Variants in TMSB10 observed in about 807,000 individuals in gnomAD.
TMSB10 encodes thymosin beta-10.
In TMSB10, 4 loss-of-function variants were observed where a neutral mutation model predicts 4.5. That is an observed-to-expected ratio of 0.89 (90% CI 0.44 to 2.03). The LOEUF (loss-of-function observed/expected upper bound fraction) is 2.03. Ranked by LOEUF, TMSB10 falls within the 30% of genes most tolerant of loss-of-function variation. The probability of loss-of-function intolerance (pLI) is 0.03; values close to 1 mark genes in which losing one functional copy is unlikely to be tolerated. For missense variants in TMSB10, 44 were observed against 53.9 expected (o/e 0.82, Z 0.57); for synonymous variants, 17 against 20.3 (o/e 0.84, Z 0.44).
intron 1 of TMSB10, 140 bp downstream of exon 1, chr2:84,905,858 G>C (rs772557063): frequency 6.2e-4 from 372 of 596,502 alleles, no homozygotes; most frequent in Non-Finnish European, 9.7e-4. Context: ...ACCGAGAAGA[G>C]GGGTGCGGGA....
At chr2:84,905,946 C>G (rs1683684990) in intron 1 of TMSB10, 57 bp from the exon 2 acceptor site, 1 of 1,455,836 alleles carries the variant, frequency 6.9e-7, no homozygotes, top group South Asian at 1.2e-5. Flanking sequence ...CGGCGGGGAG[C>G]GCGGAAGGGG....
chr2:84,906,355 C>G (rs1428826039), intron 2 of TMSB10, 34 bp from the exon 3 acceptor site: 1 of 1,580,506 alleles, frequency 6.3e-7, no homozygotes, highest in African/African-American at 1.3e-5. Flanking sequence ...GGGGTTGCAG[C>G]TCCCCTCCAG....
Position 84,906,585 on chromosome 2 carries a change from A to C in TMSB10, c.*162A>C. The C allele has an allele frequency of 1.2e-4, 72 of 594,118 alleles. No homozygotes were observed. The highest frequency in any genetic ancestry group is 2.1e-4 in the East Asian group (6 of 28,792). The allele number at this position is 594,118 out of a possible 1,614,324, so 36.8% of individuals were successfully genotyped here. On this transcript the variant is annotated 3_prime_UTR_variant, in exon 3 of 3. Coordinates refer to ENST00000233143, the MANE Select transcript of TMSB10 (RefSeq NM_021103.4). ...GGGTCTCTGAAGGGACCCCCCCCCAATCGGACTGCCAAATTCTCCGGTTTG... is the reference window on the plus strand; with the variant it reads ...GGGTCTCTGAAGGGACCCCCCCCCACTCGGACTGCCAAATTCTCCGGTTTG...
chr2:84,905,904 C>T, intron 1 of TMSB10, 99 bp from the exon 2 acceptor site: 1 of 979,682 alleles, frequency 1.0e-6, no homozygotes, highest in Non-Finnish European at 1.6e-6. Context: ...CTGCTCGGCA[C>T]GCCTTGGCGC....
At chr2:84,906,361 T>C (rs1180496188) in intron 2 of TMSB10, 28 bp from the exon 3 acceptor site, 1 of 1,586,398 alleles carries the variant, frequency 6.3e-7, no homozygotes, top group Non-Finnish European at 8.6e-7. Context: ...GCAGCTCCCC[T>C]CCAGCGCCCG....
chr2:84,906,454 T>C lies in TMSB10; in HGVS notation c.*31T>C. On this transcript the variant is annotated 3_prime_UTR_variant, in exon 3 of 3. Transcript: ENST00000233143. ...TGGAGGATTTCCTACCCCCGTCCTCTTCGAGACCCCAGTCGTGATGTGGAG... is the reference window on the plus strand; with the variant it reads ...TGGAGGATTTCCTACCCCCGTCCTCCTCGAGACCCCAGTCGTGATGTGGAG... 6.3e-7 allele frequency: 1 copy of C among 1,598,680 alleles called. No homozygotes were observed. Among genetic ancestry groups the C allele is most frequent in the Non-Finnish European group, 8.5e-7 (1 of 1,174,886 alleles).
chr2:84,906,489 C>T lies in TMSB10; in HGVS notation c.*66C>T, dbSNP rs996348955. On this transcript the variant is annotated 3_prime_UTR_variant, in exon 3 of 3. Coordinates refer to ENST00000233143, the MANE Select transcript of TMSB10 (RefSeq NM_021103.4). ...CAGTCGTGATGTGGAGGAAGAGCCA[C>T]CTGCAAGATGGACACGAGCCACAAG... 2 of 1,519,278 alleles carry T rather than the reference C, an allele frequency of 1.3e-6. No homozygotes were observed. The highest frequency in any genetic ancestry group is 1.8e-6 in the Non-Finnish European group (2 of 1,131,332). 94.1% of individuals were successfully genotyped at this position (1,519,278 alleles called of 1,614,324 possible). A position where few individuals can be genotyped will look rare whatever the true frequency, so the allele number is the denominator to read the frequency against.
Position 84,906,563 on chromosome 2 carries a change from T to C in TMSB10, c.*140T>C, listed in dbSNP as rs1313705912. Reference sequence around the variant, plus strand: ...CGCGCCGATGCCACCGGCCTGTGGGTCTCTGAAGGGACCCCCCCCCAATCG... The same window carrying C: ...CGCGCCGATGCCACCGGCCTGTGGGCCTCTGAAGGGACCCCCCCCCAATCG... On this transcript the variant is annotated 3_prime_UTR_variant, in exon 3 of 3. Transcript: ENST00000233143. 8 of 898,938 alleles carry C rather than the reference T, an allele frequency of 8.9e-6. No homozygotes were observed. The highest frequency in any genetic ancestry group is 1.2e-5 in the Non-Finnish European group (8 of 642,814). 55.7% of individuals were successfully genotyped at this position (898,938 alleles called of 1,614,324 possible).
In TMSB10 at chr2:84,906,465, A is replaced by G. The variant is rs1243892486; in HGVS notation, c.*42A>G. ...CTACCCCCGTCCTCTTCGAGACCCC[A>G]GTCGTGATGTGGAGGAAGAGCCACC... is the stretch of plus-strand genomic sequence containing the variant. On this transcript the variant is annotated 3_prime_UTR_variant, in exon 3 of 3. Coordinates refer to ENST00000233143, the MANE Select transcript of TMSB10 (RefSeq NM_021103.4). The G allele has an allele frequency of 1.3e-6, 2 of 1,586,274 alleles. No individual in the cohort carries two copies. The highest frequency in any genetic ancestry group is 2.3e-5 in the East Asian group (1 of 44,260).
intron 1 of TMSB10, 95 bp from the exon 2 acceptor site, chr2:84,905,908 T>C: frequency 9.5e-7 from 1 of 1,049,460 alleles, no homozygotes; most frequent in South Asian, 1.5e-5. Flanking sequence ...TCGGCACGCC[T>C]TGGCGCGAGT....
At position 84,906,460 on chromosome 2, in the gene TMSB10, AC is replaced by A; in HGVS notation, c.*41del. 6.3e-7 allele frequency: 1 copy of A among 1,590,966 alleles called. No individual in the cohort carries two copies. The highest frequency in any genetic ancestry group is 8.5e-7 in the Non-Finnish European group (1 of 1,171,302). On this transcript the variant is annotated 3_prime_UTR_variant, in exon 3 of 3. Coordinates refer to ENST00000233143, the MANE Select transcript of TMSB10 (RefSeq NM_021103.4). ...ATTTCCTACCCCCGTCCTCTTCGAG[AC>A]CCCAGTCGTGATGTGGAGGAAGAGC...
intron 1 of TMSB10, 131 bp from the exon 2 acceptor site, chr2:84,905,872 G>A (rs1683683908): frequency 1.5e-6 from 1 of 668,732 alleles, no homozygotes; most frequent in Non-Finnish European, 2.5e-6. Context: ...TGCGGGACGC[G>A]CCCAGATCCT....
intron 2 of TMSB10, 25 bp from the exon 3 acceptor site, chr2:84,906,364 A>G: frequency 6.3e-7 from 1 of 1,589,234 alleles, no homozygotes; most frequent in Non-Finnish European, 8.6e-7. Flanking sequence ...GCTCCCCTCC[A>G]GCGCCCGCTT....
chr2:84,905,826 G>A (rs977629813), intron 1 of TMSB10, 108 bp downstream of exon 1: 6 of 464,544 alleles, frequency 1.3e-5, no homozygotes, highest in Admixed American at 9.1e-5. Flanking sequence ...CCGGACGCAG[G>A]GGCCGGCGAC....
Position 84,905,721 on chromosome 2 carries a change from G to A in TMSB10, c.-16+3G>A. 1 of 279,238 alleles carries A rather than the reference G, an allele frequency of 3.6e-6. No individual in the cohort carries two copies. The highest frequency in any genetic ancestry group is 4.6e-5 in the South Asian group (1 of 21,852). 17.3% of individuals were successfully genotyped at this position (279,238 alleles called of 1,614,324 possible). ...CGGGCTCGGAACGAGACTGCACGGT[G>A]AGTGCGGCGCCGGGGCGGGGGGCCC... On this transcript the variant is annotated splice_donor_region_variant and intron_variant, in intron 1 of 2. Coordinates refer to ENST00000233143, the MANE Select transcript of TMSB10 (RefSeq NM_021103.4).
Position 84,905,682 on chromosome 2 carries a change from G to A in TMSB10, c.-52G>A. ...TTTCTTGCTGCAGCAACGCGAGTGG[G>A]AGCACCAGGATCTCGGGCTCGGAAC... On this transcript the variant is annotated 5_prime_UTR_variant, in exon 1 of 3. Transcript: ENST00000233143. 1 of 186,302 alleles carries A rather than the reference G, an allele frequency of 5.4e-6. No homozygotes were observed. Among genetic ancestry groups the A allele is most frequent in the South Asian group, 1.2e-4 (1 of 8,672 alleles). The allele number at this position is 186,302 out of a possible 1,614,324, so 11.5% of individuals were successfully genotyped here. A position where few individuals can be genotyped will look rare whatever the true frequency, so the allele number is the denominator to read the frequency against.
In TMSB10 at chr2:84,906,639, A is replaced by G; in HGVS notation, c.*216A>G. ...CGGGATATTATAGAAAATTATTTGT[A>G]TGAATAATGAAAATAAAACACACCT... is the stretch of plus-strand genomic sequence containing the variant. On this transcript the variant is annotated 3_prime_UTR_variant, in exon 3 of 3. Coordinates refer to ENST00000233143, the MANE Select transcript of TMSB10 (RefSeq NM_021103.4). 2.1e-6 allele frequency: 1 copy of G among 469,014 alleles called. No individual in the cohort carries two copies. The highest frequency in any genetic ancestry group is 3.7e-6 in the Non-Finnish European group (1 of 269,300). The allele number at this position is 469,014 out of a possible 1,614,324, so 29.1% of individuals were successfully genotyped here.
rs1683698611 is a variant in TMSB10, at chr2:84,906,524, G to A, written c.*101G>A. 7.1e-7 allele frequency: 1 copy of A among 1,399,686 alleles called. No homozygotes were observed. Among genetic ancestry groups the A allele is most frequent in the East Asian group, 2.6e-5 (1 of 38,528 alleles). The allele number at this position is 1,399,686 out of a possible 1,614,324, so 86.7% of individuals were successfully genotyped here. ...GGACACGAGCCACAAGCTGCACTGT[G>A]AACCTGGGCACTCCGCGCCGATGCC... On this transcript the variant is annotated 3_prime_UTR_variant, in exon 3 of 3. Transcript: ENST00000233143.
At chr2:84,906,359 C>A in intron 2 of TMSB10, 30 bp from the exon 3 acceptor site, 2 of 1,584,584 alleles carry the variant, frequency 1.3e-6, no homozygotes, top group East Asian at 2.3e-5. Flanking sequence ...TTGCAGCTCC[C>A]CTCCAGCGCC....
Sources: gnomAD v4.1 joint callset for allele counts on GRCh38, gnomAD v4.1.1 for gene constraint, MANE v1.5 for transcripts, NCBI Gene and HGNC (gene_info 2026-07-23, HGNC 2026-07-21) for gene names.